The following FBXW11 variants were observed in gnomAD, a reference collection of about 807,000 sequenced individuals.
The protein encoded by FBXW11 is F-box/WD repeat-containing protein 11.
Under a neutral mutation model 77.6 loss-of-function variants are expected in FBXW11, and 19 were observed. The ratio of observed to expected loss-of-function variants is 0.24; its 90% CI spans 0.17 to 0.36. The LOEUF (loss-of-function observed/expected upper bound fraction) is 0.36, where lower values mean the gene tolerates loss of function less well. Ranked by LOEUF, FBXW11 falls within the 10% of genes least tolerant of loss-of-function variation. The probability of loss-of-function intolerance (pLI) is 1.00; values close to 1 mark genes in which losing one functional copy is unlikely to be tolerated. For synonymous variants in FBXW11, 235 were observed against 249.4 expected (o/e 0.94, Z 0.54); for missense variants, 334 against 704.2 (o/e 0.47, Z 5.95).
intron 4 of FBXW11, among the ~76,000 whole-genome samples, chr5:171,905,167 T>A (rs1760391584): frequency 6.6e-6 from 1 of 152,226 alleles, no homozygotes; most frequent in South Asian, 2.1e-4. Context: ...TTTAGTCTTG[T>A]GAAAAACACA....
At position 171,873,157 on chromosome 5, in the gene FBXW11, T is replaced by C. The variant is rs561734750; in HGVS notation, c.1222-167A>G. ...AGGCTGGGGGGCAGACTAGACAGCA[T>C]AAAATTTTCTTGGCTGCTGAGTAAT... On this transcript the variant is annotated intron_variant, in intron 9 of 13. Transcript: ENST00000517395. Among the ~76,000 whole-genome samples the C allele has an allele frequency of 3.9e-5, 6 of 152,312 alleles. No homozygotes were observed. In the East Asian group the frequency reaches 1.2e-3, roughly 29 times the overall value.
At chr5:171,924,518 G>A (rs839271) in intron 2 of FBXW11, among the ~76,000 whole-genome samples, 4,324 of 152,062 alleles carry the variant, frequency 0.028, 132 homozygotes, top group African/African-American at 0.071. Context: ...AAAACTTTCC[G>A]CCCTGCTCAC....
intron 1 of FBXW11, among the ~76,000 whole-genome samples, chr5:171,997,658 C>T (rs1049471685): frequency 1.3e-5 from 2 of 152,122 alleles, no homozygotes; most frequent in African/African-American, 2.4e-5. Context: ...CCAATGATCA[C>T]GTAAACTGGG....
chr5:171,932,003 T>A (rs1762232689), intron 2 of FBXW11, among the ~76,000 whole-genome samples: 1 of 151,454 alleles, frequency 6.6e-6, no homozygotes, highest in South Asian at 2.1e-4. Flanking sequence ...GCCTCCAGAG[T>A]AGCTGCGACC....
intron 6 of FBXW11, among the ~76,000 whole-genome samples, chr5:171,894,705 T>C (rs950958196): frequency 2.9e-4 from 43 of 150,340 alleles, no homozygotes; most frequent in African/African-American, 1.0e-3. Flanking sequence ...TTTTTTTTTT[T>C]TTCTAGAAAA....
rs560881119 is a variant in FBXW11 at position 171,949,925 on chromosome 5, A to G, written c.147+7672T>C. 2.6e-5 allele frequency among the ~76,000 whole-genome samples: 4 copies of G among 152,312 alleles called. No homozygotes were observed. The South Asian group carries it at 8.3e-4, about 32-fold the overall frequency. ...CAGCTTCTCAAAAGTACAAGTTAGC[A>G]ACCTAAATGTGCACACTGTCTTACC... On this transcript the variant is annotated intron_variant, in intron 2 of 13. Coordinates refer to ENST00000517395, the MANE Select transcript of FBXW11 (RefSeq NM_001378974.1).
chr5:171,951,654 C>T (rs1207485690), intron 2 of FBXW11, among the ~76,000 whole-genome samples: 1 of 152,046 alleles, frequency 6.6e-6, no homozygotes, highest in Non-Finnish European at 1.5e-5. Context: ...CCATACCTGG[C>T]TAATTTTTGT....
At chr5:171,934,985 GTCTCGCTC>G (rs1162564039) in intron 2 of FBXW11, among the ~76,000 whole-genome samples, 1 of 152,172 alleles carries the variant, frequency 6.6e-6, no homozygotes, top group Non-Finnish European at 1.5e-5. Flanking sequence ...TTGAGACGGA[GTCTCGCTC>G]TGTAGCCCAG....
chr5:171,910,818 A>G, intron 3 of FBXW11, 21 bp from the exon 4 acceptor site: 1 of 1,484,750 alleles, frequency 6.7e-7, no homozygotes, highest in Non-Finnish European at 9.1e-7. Context: ...AAAACAAAAA[A>G]AAAATTAGTT....
At position 171,919,189 on chromosome 5, in the gene FBXW11, G is replaced by C. The variant is rs543694774; in HGVS notation, c.148-4784C>G. Among the ~76,000 whole-genome samples the C allele has an allele frequency of 3.9e-4, 59 of 152,206 alleles. 3 individuals carry two copies. In the South Asian group the frequency reaches 0.011, roughly 28 times the overall value. On this transcript the variant is annotated intron_variant, in intron 2 of 13. Transcript: ENST00000517395. Reference sequence around the variant, plus strand: ...TCTTTACTAGAGGTCCATGGACTTGGGGCATGAATGAGGACTATAAATAAC... The same window carrying C: ...TCTTTACTAGAGGTCCATGGACTTGCGGCATGAATGAGGACTATAAATAAC...
chr5:171,956,744 T>G (rs1308145393), intron 2 of FBXW11, among the ~76,000 whole-genome samples: 2 of 152,250 alleles, frequency 1.3e-5, no homozygotes, highest in African/African-American at 4.8e-5. Flanking sequence ...GCCAGGAATT[T>G]AATATGGCTT....
At chr5:171,980,974 G>A (rs1203018666) in intron 1 of FBXW11, among the ~76,000 whole-genome samples, 1 of 152,082 alleles carries the variant, frequency 6.6e-6, no homozygotes. Context: ...TTGGAAGATG[G>A]GGGCTGGCTG....
intron 2 of FBXW11, chr5:171,916,539 G>A: frequency 1.3e-6 from 1 of 793,190 alleles, no homozygotes; most frequent in Middle Eastern, 6.3e-4. Context: ...TGAATGGGAT[G>A]AAGAACAAGG....
At chr5:171,970,002 G>A (rs1764435794) in intron 1 of FBXW11, among the ~76,000 whole-genome samples, 1 of 152,174 alleles carries the variant, frequency 6.6e-6, no homozygotes, top group African/African-American at 2.4e-5. Flanking sequence ...ACCACGCCTG[G>A]CTTAATTAGT....
rs142730283 is a variant in FBXW11 at position 171,943,423 on chromosome 5, A to T, written c.147+14174T>A. 3.5e-3 allele frequency among the ~76,000 whole-genome samples: 540 copies of T among 152,238 alleles called. 3 individuals carry two copies. Among genetic ancestry groups the T allele is most frequent in the African/African-American group, 0.012 (517 of 41,534 alleles). ...GTTAGGTGTTTGGACATCTCTTGAC[A>T]TCCTTTTCTTGGCCAAGCACAGCAG... is the stretch of plus-strand genomic sequence containing the variant. On this transcript the variant is annotated intron_variant, in intron 2 of 13. Coordinates refer to ENST00000517395, the MANE Select transcript of FBXW11 (RefSeq NM_001378974.1).
intron 1 of FBXW11, among the ~76,000 whole-genome samples, chr5:171,995,545 A>AGATC (rs888249881): frequency 6.6e-6 from 1 of 152,098 alleles, no homozygotes; most frequent in African/African-American, 2.4e-5. Flanking sequence ...CAAGGTCAGG[A>AGATC]GATCGAGACC....
At chr5:171,964,027 CT>C (rs1764051553) in intron 1 of FBXW11, among the ~76,000 whole-genome samples, 1 of 152,272 alleles carries the variant, frequency 6.6e-6, no homozygotes, top group South Asian at 2.1e-4. Context: ...AGCTATTAAA[CT>C]GTTTTAAGCA....
chr5:171,931,361 T>C (rs185485384), intron 2 of FBXW11, among the ~76,000 whole-genome samples: 5 of 152,280 alleles, frequency 3.3e-5, no homozygotes, highest in Admixed American at 1.3e-4. Flanking sequence ...GTCAATGGAA[T>C]AGAACTGAGG....
intron 2 of FBXW11, among the ~76,000 whole-genome samples, chr5:171,915,944 A>G (rs1761204722): frequency 6.6e-6 from 1 of 152,100 alleles, no homozygotes; most frequent in Non-Finnish European, 1.5e-5. Context: ...TTGTAGGGAC[A>G]TGGATGAAGC....
Sources: allele counts gnomAD v4.1 joint callset (sites outside exome capture counted in the v4.1 genomes callset), GRCh38; gene constraint gnomAD v4.1.1; transcripts MANE v1.5; gene names NCBI Gene and HGNC (gene_info 2026-07-23, HGNC 2026-07-21).